The following HOOK3 variants were observed in gnomAD, a reference collection of about 807,000 sequenced individuals.
HOOK3 encodes protein Hook homolog 3.
A neutral mutation model predicts 116.3 loss-of-function variants in HOOK3; 24 were observed. The observed-to-expected ratio is 0.21, with a 90% CI of 0.15 to 0.29. The LOEUF is 0.29. HOOK3 is among the 10% of genes least tolerant of loss of function. The pLI, the probability that HOOK3 is intolerant of heterozygous loss-of-function variation, is 1.00. For missense variants in HOOK3, 632 were observed against 830.2 expected, an observed-to-expected ratio of 0.76 and a Z score of 2.93; for synonymous variants, 275 against 283.0, an observed-to-expected ratio of 0.97 and a Z score of 0.28.
intron 11 of HOOK3, among the ~76,000 whole-genome samples, chr8:42,970,267 T>G (rs972282743): frequency 2.0e-5 from 3 of 152,230 alleles, no homozygotes; most frequent in African/African-American, 7.2e-5. Context: ...TTCTGGACAC[T>G]TTCTTCTGTT....
At chr8:42,950,347 T>C (rs768889858) in intron 5 of HOOK3, 41 bp from the exon 6 acceptor site, 1 of 1,338,746 alleles carries the variant, frequency 7.5e-7, no homozygotes, top group South Asian at 1.2e-5. Context: ...TTGACCATCT[T>C]TAACTTGAAC....
intron 13 of HOOK3, among the ~76,000 whole-genome samples, chr8:42,980,712 C>T (rs1244239570): frequency 3.3e-5 from 5 of 152,014 alleles, no homozygotes; most frequent in African/African-American, 9.7e-5. Context: ...GGTGAAAACC[C>T]GTCTCTACTA....
chr8:43,000,562 G>A (rs1326085233), intron 16 of HOOK3, among the ~76,000 whole-genome samples: 1 of 152,136 alleles, frequency 6.6e-6, no homozygotes, highest in Non-Finnish European at 1.5e-5. Context: ...TCTTGATACA[G>A]TCTATCCCCC....
At chr8:42,912,971 T>C (rs908462787) in intron 2 of HOOK3, among the ~76,000 whole-genome samples, 4 of 152,234 alleles carry the variant, frequency 2.6e-5, no homozygotes, top group African/African-American at 9.6e-5. Flanking sequence ...TTTTGCCTTT[T>C]CTGGAATGTC....
At chr8:43,005,454 C>T (rs1265642478) in intron 17 of HOOK3, among the ~76,000 whole-genome samples, 1 of 151,606 alleles carries the variant, frequency 6.6e-6, no homozygotes, top group Non-Finnish European at 1.5e-5. Flanking sequence ...GATCTCCTGA[C>T]CTCGTGATCC....
At chr8:42,995,583 A>G (rs1321862067) in intron 15 of HOOK3, among the ~76,000 whole-genome samples, 1 of 152,116 alleles carries the variant, frequency 6.6e-6, no homozygotes, top group Non-Finnish European at 1.5e-5. Flanking sequence ...TCTAGACAAT[A>G]TCATTTTTGC....
chr8:42,917,675 T>G (rs1807558724), intron 2 of HOOK3, among the ~76,000 whole-genome samples: 1 of 152,186 alleles, frequency 6.6e-6, no homozygotes. Context: ...TGCCAAGTTG[T>G]GCCTCCAAGT....
rs1586583289 is a variant in HOOK3 at position 42,903,781 on chromosome 8, C to G, written c.58-2392C>G. ...ACATCCTGGCCAACACGGTGAAACC[C>G]TGTCTCTACTTAAAATACAAAAAAG... On this transcript the variant is annotated intron_variant, in intron 1 of 21. Coordinates refer to ENST00000307602, the MANE Select transcript of HOOK3 (RefSeq NM_032410.4). Among the ~76,000 whole-genome samples the G allele has an allele frequency of 2.0e-5, 3 of 151,906 alleles. 1 individual carries two copies. In the East Asian group the frequency reaches 5.9e-4, roughly 30 times the overall value.
At chr8:42,958,593 ATAGTT>A (rs1415080120) in intron 7 of HOOK3, among the ~76,000 whole-genome samples, 2 of 136,382 alleles carry the variant, frequency 1.5e-5, no homozygotes, top group Non-Finnish European at 3.2e-5. Flanking sequence ...ACAGTTTTTG[ATAGTT>A]TTTTTTTTTT....
chr8:42,938,240 A>ATTTT (rs1808012893), intron 4 of HOOK3, among the ~76,000 whole-genome samples: 2 of 112,680 alleles, frequency 1.8e-5, no homozygotes, highest in African/African-American at 7.6e-5. Context: ...TTTGCTTTCC[A>ATTTT]TTTGCTTGGT....
chr8:42,959,669 A>T (rs1586610284), intron 8 of HOOK3, among the ~76,000 whole-genome samples: 1 of 135,850 alleles, frequency 7.4e-6, no homozygotes, highest in East Asian at 2.5e-4. Context: ...CAGTGAGCCG[A>T]GATTGTGCCA....
Position 42,966,495 on chromosome 8 carries a change from T to C in HOOK3, c.802T>C (p.Tyr268His), listed in dbSNP as rs769126765. The C allele has an allele frequency of 6.2e-7, 1 of 1,614,184 alleles. No individual in the cohort carries two copies. The highest frequency in any genetic ancestry group is 1.1e-5 in the South Asian group (1 of 91,078). ...TFRLEAAKDD[Y>H]RIRCEELEKE... is the part of the protein sequence containing the mutation. Reference sequence around the variant, plus strand: ...CAGACTAGAAGCAGCCAAAGATGATTATCGAATACGTTGTGAAGAGTTAGA... The same window carrying C: ...CAGACTAGAAGCAGCCAAAGATGATCATCGAATACGTTGTGAAGAGTTAGA... The change falls in exon 10 of 22, where the codon TAT (tyrosine) becomes CAT (histidine). Residue 268 changes from tyrosine (Y) to histidine (H), a missense_variant. By Grantham distance (83) the Tyr-to-His change is moderately conservative. This residue lies in a region of HOOK3 where 483 missense variants were observed against 648.1 expected (regional missense o/e 0.75). Transcript: ENST00000307602.
intron 4 of HOOK3, among the ~76,000 whole-genome samples, chr8:42,931,167 C>G (rs1261347576): frequency 6.6e-6 from 1 of 152,204 alleles, no homozygotes; most frequent in Non-Finnish European, 1.5e-5. Flanking sequence ...CTTTGCCCCA[C>G]TGCTGTTGCT....
intron 16 of HOOK3, 101 bp downstream of exon 16, chr8:42,997,738 T>G (rs1427604337): frequency 2.8e-6 from 2 of 724,196 alleles, no homozygotes; most frequent in Non-Finnish European, 5.0e-6. Flanking sequence ...AATTTAGTAT[T>G]ATATTGGTTA....
At chr8:42,979,528 G>A (rs774634536) in intron 13 of HOOK3, among the ~76,000 whole-genome samples, 3 of 152,158 alleles carry the variant, frequency 2.0e-5, no homozygotes, top group Non-Finnish European at 4.4e-5. Context: ...CTAGTAACCA[G>A]CTTGTGGCTT....
Position 43,010,396 on chromosome 8 carries a change from A to G in HOOK3, c.1830A>G (p.Lys610=). 2.1e-6 allele frequency: 3 copies of G among 1,400,592 alleles called. No homozygotes were observed. The highest frequency in any genetic ancestry group is 2.9e-5 in the South Asian group (2 of 69,648). The allele number at this position is 1,400,592 out of a possible 1,614,324, so 86.8% of individuals were successfully genotyped here. ...AACGATACAAAAAATACTTAGAGAAAGCCAAAAGTGTAAGTATGAATTTTG... is the reference window on the plus strand; with the variant it reads ...AACGATACAAAAAATACTTAGAGAAGGCCAAAAGTGTAAGTATGAATTTTG... ...MEERYKKYLE[K]AKSVIRTLDP... Residue 610 remains lysine (K), a synonymous_variant, in exon 19 of 22, where the codon AAA becomes AAG. Transcript: ENST00000307602.
At chr8:42,933,512 G>A (rs944673715) in intron 4 of HOOK3, among the ~76,000 whole-genome samples, 1 of 152,132 alleles carries the variant, frequency 6.6e-6, no homozygotes, top group Non-Finnish European at 1.5e-5. Context: ...TAAACAAGAA[G>A]AATAAATTCA....
chr8:42,986,544 G>T, intron 14 of HOOK3, 111 bp from the exon 15 acceptor site: 1 of 702,994 alleles, frequency 1.4e-6, no homozygotes, highest in East Asian at 3.1e-5. Context: ...TTTCATTTCT[G>T]TTCTGGTATT....
chr8:43,016,993 G>GC (rs781145985), intron 21 of HOOK3, among the ~76,000 whole-genome samples: 7 of 151,954 alleles, frequency 4.6e-5, no homozygotes, highest in Non-Finnish European at 7.4e-5. Flanking sequence ...GGGCAACATG[G>GC]CAAGACTCCG....
Sources: gnomAD v4.1 joint callset for allele counts (sites outside exome capture counted in the v4.1 genomes callset) on GRCh38, gnomAD v4.1.1 for gene constraint, gnomAD v4.1.1 regional missense constraint, MANE v1.5 for transcripts, NCBI Gene and HGNC (gene_info 2026-07-23, HGNC 2026-07-21) for gene names.